Variants in ST6GAL2 observed in about 807,000 individuals in gnomAD.
The protein encoded by ST6GAL2 is ST6 beta-galactoside alpha-2,6-sialyltransferase 2.
Under a neutral mutation model 37.5 loss-of-function variants are expected in ST6GAL2, and 24 were observed. The ratio of observed to expected loss-of-function variants is 0.64; its 90% CI spans 0.46 to 0.90. The LOEUF (loss-of-function observed/expected upper bound fraction) is 0.90, where lower values mean the gene tolerates loss of function less well. Ranked by LOEUF, ST6GAL2 falls within the 40% of genes least tolerant of loss-of-function variation. ST6GAL2 has a pLI of 0.00. For missense variants in ST6GAL2, 715 were observed against 712.7 expected (o/e 1.00, Z -0.04); for synonymous variants, 306 against 295.1 (o/e 1.04, Z -0.38).
intron 1 of ST6GAL2, among the ~76,000 whole-genome samples, chr2:106,876,553 A>T (rs1309857793): frequency 6.6e-6 from 1 of 152,212 alleles, no homozygotes; most frequent in Admixed American, 6.5e-5. Context: ...CAGGTGACAC[A>T]AAACTAATCT....
intron 1 of ST6GAL2, among the ~76,000 whole-genome samples, chr2:106,876,065 CAA>C (rs1678491356): frequency 6.6e-6 from 1 of 152,136 alleles, no homozygotes; most frequent in Admixed American, 6.5e-5. Context: ...CCTCTAGGCT[CAA>C]GAGATCCTCC....
chr2:106,828,455 C>T (rs1393310718), intron 5 of ST6GAL2, among the ~76,000 whole-genome samples: 1 of 151,940 alleles, frequency 6.6e-6, no homozygotes, highest in Non-Finnish European at 1.5e-5. Context: ...CAAAGAGTGT[C>T]AAAGGCATGA....
At chr2:106,855,469 C>T (rs1391167598) in intron 1 of ST6GAL2, among the ~76,000 whole-genome samples, 1 of 152,112 alleles carries the variant, frequency 6.6e-6, no homozygotes, top group Non-Finnish European at 1.5e-5. Context: ...AGAACTAGGC[C>T]ATTTATGTAA....
intron 1 of ST6GAL2, among the ~76,000 whole-genome samples, chr2:106,860,874 T>C (rs1677772109): frequency 6.6e-6 from 1 of 152,182 alleles, no homozygotes; most frequent in African/African-American, 2.4e-5. Context: ...AAAGTTTATT[T>C]TGTGTTGCAT....
At position 106,834,140 on chromosome 2, in the gene ST6GAL2, T is replaced by A. The variant is rs1676538579; in HGVS notation, c.950A>T (p.His317Leu). 6.2e-7 allele frequency: 1 copy of A among 1,612,084 alleles called. No homozygotes were observed. The highest frequency in any genetic ancestry group is 8.5e-7 in the Non-Finnish European group (1 of 1,178,382). ...NSSLGEEIDS[H>L]DAVLRFNSAP... is the part of the protein sequence containing the mutation. ...AGAGTTAAATCTCAAAACCGCATCA[T>A]GAGAATCTAAGGGCACATAAGTGAC... is the stretch of plus-strand genomic sequence containing the variant. The change falls in exon 3 of 6, where the codon CAT becomes CTT. Residue 317 changes from histidine to leucine, a missense_variant. Physicochemically the swap from His to Leu is moderately conservative, Grantham distance 99 (BLOSUM62 -3). Transcript: ENST00000409382.
chr2:106,882,034 C>A (rs1678770968), intron 1 of ST6GAL2, among the ~76,000 whole-genome samples: 1 of 152,224 alleles, frequency 6.6e-6, no homozygotes, highest in Non-Finnish European at 1.5e-5. Flanking sequence ...GCCCAAATTT[C>A]ATTCTAATAA....
At chr2:106,842,387 T>A (rs1676922566) in intron 2 of ST6GAL2, among the ~76,000 whole-genome samples, 2 of 152,132 alleles carry the variant, frequency 1.3e-5, no homozygotes, top group Admixed American at 1.3e-4. Flanking sequence ...TTGGAGAAGG[T>A]CCCTGGTAGG....
chr2:106,843,500 C>G lies in ST6GAL2; in HGVS notation c.478G>C (p.Glu160Gln). Reference sequence around the variant, plus strand: ...ACCTGTGCAGCCGGAAAAGCCCCCTCCCGTGGGCCTGGCTCCCCGGGGGAA... The same window carrying G: ...ACCTGTGCAGCCGGAAAAGCCCCCTGCCGTGGGCCTGGCTCCCCGGGGGAA... ...FPSPGEPGPREGAFPAAQVQR... is the reference protein window; with the variant it reads ...FPSPGEPGPRQGAFPAAQVQR... The change falls in exon 2 of 6, where the codon GAG (glutamate) becomes CAG (glutamine). Residue 160 changes from glutamate to glutamine, a missense_variant. Physicochemically the swap from Glu to Gln is conservative, Grantham distance 29. Transcript: ENST00000409382. The G allele has an allele frequency of 6.2e-7, 1 of 1,614,102 alleles. No individual in the cohort carries two copies. Among genetic ancestry groups the G allele is most frequent in the Non-Finnish European group, 8.5e-7 (1 of 1,180,026 alleles).
chr2:106,862,591 T>C (rs1677848407), intron 1 of ST6GAL2, among the ~76,000 whole-genome samples: 1 of 152,066 alleles, frequency 6.6e-6, no homozygotes, highest in South Asian at 2.1e-4. Flanking sequence ...AAGGCATGTA[T>C]GGCTACTATG....
At chr2:106,836,773 C>CAAAAAA (rs70956213) in intron 2 of ST6GAL2, among the ~76,000 whole-genome samples, 6 of 70,220 alleles carry the variant, frequency 8.5e-5, no homozygotes, top group Non-Finnish European at 1.0e-4. Context: ...ACTAAAAATA[C>CAAAAAA]AAAAAAAAAA....
chr2:106,866,524 A>C (rs1198119414), intron 1 of ST6GAL2, among the ~76,000 whole-genome samples: 1 of 152,228 alleles, frequency 6.6e-6, no homozygotes, highest in Non-Finnish European at 1.5e-5. Flanking sequence ...AAACGAGTGC[A>C]AGGTGAGTAT....
chr2:106,807,712 CT>C (rs1192132753), intron 5 of ST6GAL2, among the ~76,000 whole-genome samples: 2 of 151,666 alleles, frequency 1.3e-5, no homozygotes, highest in Non-Finnish European at 2.9e-5. Flanking sequence ...CAAGCTCCCC[CT>C]TCCCCGATTC....
intron 1 of ST6GAL2, among the ~76,000 whole-genome samples, chr2:106,884,934 TACATACAC>T (rs1678911493): frequency 1.7e-5 from 2 of 120,470 alleles, no homozygotes; most frequent in Non-Finnish European, 3.3e-5. Flanking sequence ...TATATATATA[TACATACAC>T]ACACACACAT....
At chr2:106,853,255 A>G (rs1677445387) in intron 1 of ST6GAL2, among the ~76,000 whole-genome samples, 1 of 152,168 alleles carries the variant, frequency 6.6e-6, no homozygotes, top group African/African-American at 2.4e-5. Flanking sequence ...ATACTTTCCC[A>G]TGCCCCGCCT....
intron 2 of ST6GAL2, among the ~76,000 whole-genome samples, chr2:106,837,307 A>T (rs898705209): frequency 1.3e-5 from 2 of 152,040 alleles, no homozygotes; most frequent in Non-Finnish European, 2.9e-5. Context: ...AATCTGAAAA[A>T]CACGTGTATT....
At position 106,805,906 on chromosome 2, in the gene ST6GAL2, C is replaced by T. The variant is rs1675400213; in HGVS notation, c.*772G>A. 6.6e-6 allele frequency: 1 copy of T among 152,286 alleles called. No homozygotes were observed. The highest frequency in any genetic ancestry group is 2.4e-5 in the African/African-American group (1 of 41,446). 9.4% of individuals were successfully genotyped at this position (152,286 alleles called of 1,614,324 possible). A position where few individuals can be genotyped will look rare whatever the true frequency, so the allele number is the denominator to read the frequency against. On this transcript the variant is annotated 3_prime_UTR_variant, in exon 6 of 6. Coordinates refer to ENST00000409382, the MANE Select transcript of ST6GAL2 (RefSeq NM_001142351.2). ...CAGGGGCACCTGCAGCCCTGTGATT[C>T]TATGTTACTTGCCAGTGATGTGCCT...
intron 1 of ST6GAL2, among the ~76,000 whole-genome samples, chr2:106,858,327 G>C (rs1384321635): frequency 1.3e-5 from 2 of 152,188 alleles, no homozygotes; most frequent in African/African-American, 4.8e-5. Context: ...ATGTGGCAAA[G>C]AGAGAAATTA....
At chr2:106,851,482 A>G (rs1414269485) in intron 1 of ST6GAL2, among the ~76,000 whole-genome samples, 1 of 152,244 alleles carries the variant, frequency 6.6e-6, no homozygotes, top group Non-Finnish European at 1.5e-5. Context: ...AGATAAAACT[A>G]TGAAATGTAA....
intron 5 of ST6GAL2, among the ~76,000 whole-genome samples, chr2:106,814,223 G>C (rs1675714844): frequency 6.6e-6 from 1 of 152,066 alleles, no homozygotes; most frequent in African/African-American, 2.4e-5. Flanking sequence ...ACAAAAAGTT[G>C]TTCCTAACCA....
Sources: gnomAD v4.1 joint callset for allele counts (sites outside exome capture counted in the v4.1 genomes callset) on GRCh38, gnomAD v4.1.1 for gene constraint, MANE v1.5 for transcripts, NCBI Gene and HGNC (gene_info 2026-07-23, HGNC 2026-07-21) for gene names.